The following KIAA1586 variants were observed in gnomAD, a reference collection of about 807,000 sequenced individuals.
KIAA1586 encodes KIAA1586.
Under a neutral mutation model 6.1 loss-of-function variants are expected in KIAA1586, and 5 were observed. The observed-to-expected ratio is 0.82, with a 90% CI of 0.43 to 1.73. The LOEUF (loss-of-function observed/expected upper bound fraction) is 1.73, where lower values mean the gene tolerates loss of function less well. Ranked by LOEUF, KIAA1586 falls within the 40% of genes most tolerant of loss-of-function variation. The probability of loss-of-function intolerance (pLI) is 0.02; values close to 1 mark genes in which losing one functional copy is unlikely to be tolerated. For missense variants in KIAA1586, 899 were observed against 878.2 expected, an observed-to-expected ratio of 1.02 and a Z score of -0.30; for synonymous variants, 280 against 301.7, an observed-to-expected ratio of 0.93 and a Z score of 0.75.
Position 57,054,392 on chromosome 6 carries a change from T to A in KIAA1586, c.1893T>A (p.Phe631Leu). ...ACCATGAAGATATTTTTAATTACTTTGATTTGCTGGAACCTTCCACATGGC... is the reference window on the plus strand; with the variant it reads ...ACCATGAAGATATTTTTAATTACTTAGATTTGCTGGAACCTTCCACATGGC... ...DRNHEDIFNY[F>L]DLLEPSTWPY... The change falls in exon 4 of 4, where the codon TTT becomes TTA. Residue 631 changes from phenylalanine (F) to leucine (L), a missense_variant. Coordinates refer to ENST00000370733, the MANE Select transcript of KIAA1586 (RefSeq NM_020931.4). The A allele has an allele frequency of 6.2e-7, 1 of 1,609,156 alleles. No individual in the cohort carries two copies.
chr6:57,056,121 T>A (rs1828493846), downstream of KIAA1586, among the ~76,000 whole-genome samples: 1 of 151,922 alleles, frequency 6.6e-6, no homozygotes, highest in African/African-American at 2.4e-5. Context: ...CAATCTTGGC[T>A]CACTGCAACC....
rs1828303795 is a variant in KIAA1586, at chr6:57,050,847, A to G, written c.179A>G (p.Tyr60Cys). Reference sequence around the variant, plus strand: ...GATGATGAAAACCCTAGCGCCTATTATAGTGATGTAAGCACATTATATTTG... The same window carrying G: ...GATGATGAAAACCCTAGCGCCTATTGTAGTGATGTAAGCACATTATATTTG... ...CGDDENPSAY[Y>C]SDILFPKMPK... Residue 60 changes from tyrosine to cysteine, a missense_variant, in exon 3 of 4, where the codon TAT becomes TGT. Tyr to Cys is a radical substitution (Grantham distance 194). Coordinates refer to ENST00000370733, the MANE Select transcript of KIAA1586 (RefSeq NM_020931.4). 2 of 1,605,598 alleles carry G rather than the reference A, an allele frequency of 1.2e-6. No homozygotes were observed. The highest frequency in any genetic ancestry group is 1.7e-6 in the Non-Finnish European group (2 of 1,172,324).
At chr6:57,046,954 A>G (rs1350811444) in intron 1 of KIAA1586, 178 bp downstream of exon 1, 4 of 859,822 alleles carry the variant, frequency 4.7e-6, no homozygotes, top group Non-Finnish European at 6.7e-6. Context: ...CGCAGCAACA[A>G]TGGCCGCCCG....
At chr6:57,057,630 T>C (rs982220056), downstream of KIAA1586, among the ~76,000 whole-genome samples, 5 of 152,042 alleles carry the variant, frequency 3.3e-5, no homozygotes, top group African/African-American at 1.2e-4. Context: ...GGCAGGTGCC[T>C]GTAGTCCCAG....
chr6:57,058,703 G>GT (rs1828529103), downstream of KIAA1586, among the ~76,000 whole-genome samples: 2 of 152,042 alleles, frequency 1.3e-5, no homozygotes, highest in African/African-American at 4.8e-5. Context: ...ATAAAAATCA[G>GT]TAAGATTAAT....
rs773524947 is a variant in KIAA1586 at position 57,054,440 on chromosome 6, A to T, written c.1941A>T (p.Pro647=). The T allele has an allele frequency of 1.9e-6, 3 of 1,607,928 alleles. No individual in the cohort carries two copies. The highest frequency in any genetic ancestry group is 2.5e-6 in the Non-Finnish European group (3 of 1,177,442). ...STWPYEEITS[P]WIAGEKTLFH... is the part of the protein sequence containing the mutation. ...GGCCTTATGAAGAAATAACTTCACC[A>T]TGGATAGCTGGTGAAAAAACATTAT... The change falls in exon 4 of 4, where the codon CCA becomes CCT. Residue 647 remains proline, a synonymous_variant. Transcript: ENST00000370733.
rs781180579 is a variant in KIAA1586, at chr6:57,054,067, T to TA, written c.1569dup (p.Gln524ThrfsTer8). ...AAGAGATTAGCTAACATTAATTTCT[T>TA]ACAAGACCTTGCTTTAATGATTGAC... On this transcript the variant is annotated frameshift_variant, in exon 4 of 4. Coordinates refer to ENST00000370733, the MANE Select transcript of KIAA1586 (RefSeq NM_020931.4). LOFTEE classifies it low-confidence loss of function (END_TRUNC). 8 of 1,611,446 alleles carry TA rather than the reference T, an allele frequency of 5.0e-6. No homozygotes were observed. The highest frequency in any genetic ancestry group is 8.5e-7 in the Non-Finnish European group (1 of 1,178,838).
Position 57,054,150 on chromosome 6 carries a change from A to C in KIAA1586, c.1651A>C (p.Lys551Gln). The change falls in exon 4 of 4, where the codon AAG (lysine) becomes CAG (glutamine). Residue 551 changes from lysine to glutamine, a missense_variant. Physicochemically the swap from Lys to Gln is moderately conservative, Grantham distance 53. Coordinates refer to ENST00000370733, the MANE Select transcript of KIAA1586 (RefSeq NM_020931.4). ...TALQSRSTNI[K>Q]KAQKLIKRTI... ...ATTACAGTCAAGATCAACTAATATT[A>C]AGAAAGCACAAAAATTGATCAAACG... The C allele has an allele frequency of 6.3e-7, 1 of 1,589,022 alleles. No homozygotes were observed. Among genetic ancestry groups the C allele is most frequent in the East Asian group, 2.2e-5 (1 of 44,670 alleles).
chr6:57,061,207 A>T, the KIAA1586 span, among the ~76,000 whole-genome samples: 1 of 146,342 alleles, frequency 6.8e-6, no homozygotes, highest in Non-Finnish European at 1.5e-5. Context: ...CAATCTCCTG[A>T]CCTCGTGATC....
chr6:57,052,634 T>C, intron 3 of KIAA1586, 52 bp from the exon 4 acceptor site: 1 of 1,372,264 alleles, frequency 7.3e-7, no homozygotes, highest in Non-Finnish European at 9.7e-7. Flanking sequence ...CTTTTTACAT[T>C]GACCCTTAAA....
Position 57,053,475 on chromosome 6 carries a change from A to G in KIAA1586, c.976A>G (p.Lys326Glu), listed in dbSNP as rs1562571000. Residue 326 changes from lysine (K) to glutamate (E), a missense_variant, in exon 4 of 4, where the codon AAG becomes GAG. Coordinates refer to ENST00000370733, the MANE Select transcript of KIAA1586 (RefSeq NM_020931.4). The stretch of plus-strand genomic sequence containing the variant: ...AATTGATGAGGCATCTACAGTTTCA[A>G]AGAAAACCACCCTAGTGATTTATCT... ...IIIDEASTVS[K>E]KTTLVIYLQC... 1.2e-6 allele frequency: 2 copies of G among 1,613,426 alleles called. No homozygotes were observed. Among genetic ancestry groups the G allele is most frequent in the Non-Finnish European group, 1.7e-6 (2 of 1,179,706 alleles).
downstream of KIAA1586, among the ~76,000 whole-genome samples, chr6:57,055,789 T>C (rs1449898122): frequency 6.6e-6 from 1 of 152,140 alleles, no homozygotes; most frequent in Admixed American, 6.5e-5. Flanking sequence ...GTAAACAGAC[T>C]CAAAGAAGGT....
At chr6:57,052,651 T>C (rs750393262) in intron 3 of KIAA1586, 35 bp from the exon 4 acceptor site, 3 of 1,480,560 alleles carry the variant, frequency 2.0e-6, no homozygotes, top group East Asian at 4.6e-5. Flanking sequence ...TAAAGTGTTA[T>C]GAATTTTACT....
intron 3 of KIAA1586, among the ~76,000 whole-genome samples, chr6:57,052,020 T>C (rs1354861445): frequency 6.6e-6 from 1 of 152,194 alleles, no homozygotes; most frequent in Non-Finnish European, 1.5e-5. Flanking sequence ...GGAAAGATGT[T>C]GATGTCATTG....
At chr6:57,056,620 T>C (rs1255059818), downstream of KIAA1586, among the ~76,000 whole-genome samples, 1 of 150,760 alleles carries the variant, frequency 6.6e-6, no homozygotes. Context: ...CACTGCAGCC[T>C]CTTCCTCCTG....
intron 2 of KIAA1586, 33 bp from the exon 3 acceptor site, chr6:57,050,741 C>T: frequency 7.0e-7 from 1 of 1,427,684 alleles, no homozygotes. Flanking sequence ...AATGATTGTT[C>T]ATGACTTGTA....
At chr6:57,056,461 A>C (rs1828499781), downstream of KIAA1586, among the ~76,000 whole-genome samples, 1 of 151,936 alleles carries the variant, frequency 6.6e-6, no homozygotes, top group South Asian at 2.1e-4. Context: ...CGCCTGCCTC[A>C]GCCTCCCAAA....
chr6:57,057,812 A>C (rs1828519639), downstream of KIAA1586, among the ~76,000 whole-genome samples: 1 of 152,116 alleles, frequency 6.6e-6, no homozygotes. Context: ...GTTAATTATT[A>C]TTATTTTTTG....
chr6:57,049,542 A>T (rs1828268557), intron 2 of KIAA1586, among the ~76,000 whole-genome samples: 1 of 152,194 alleles, frequency 6.6e-6, no homozygotes, highest in African/African-American at 2.4e-5. Flanking sequence ...CAATATGCTG[A>T]AAGAAAGGAA....
Sources: gnomAD v4.1 joint callset for allele counts (sites outside exome capture counted in the v4.1 genomes callset) on GRCh38, gnomAD v4.1.1 for gene constraint, MANE v1.5 for transcripts, NCBI Gene and HGNC (gene_info 2026-07-23, HGNC 2026-07-21) for gene names.